SRCIN1: variants seen among roughly 807,000 people sequenced by gnomAD.
SRCIN1 encodes the protein SRC kinase signaling inhibitor 1, also known as P130Cas-associated protein.
A neutral mutation model predicts 116.2 loss-of-function variants in SRCIN1; 50 were observed. The observed-to-expected ratio is 0.43, with a 90% CI of 0.34 to 0.54. The LOEUF (loss-of-function observed/expected upper bound fraction) is 0.54, where lower values mean the gene tolerates loss of function less well. Ranked by LOEUF, SRCIN1 falls within the 20% of genes least tolerant of loss-of-function variation. The pLI is 0.02. For missense variants in SRCIN1, 1,446 were observed against 1,672.0 expected, an observed-to-expected ratio of 0.86 and a Z score of 2.36; for synonymous variants, 736 against 750.0, an observed-to-expected ratio of 0.98 and a Z score of 0.30.
chr17:38,581,548 G>C (rs558228194), intron 1 of SRCIN1, among the ~76,000 whole-genome samples: 1 of 151,030 alleles, frequency 6.6e-6, no homozygotes, highest in Non-Finnish European at 1.5e-5. Context: ...TGATTTCATG[G>C]ATATAGTTCC....
intron 2 of SRCIN1, among the ~76,000 whole-genome samples, chr17:38,570,681 G>A (rs1291646544): frequency 6.6e-6 from 1 of 152,248 alleles, no homozygotes; most frequent in African/African-American, 2.4e-5. Flanking sequence ...TAAAGACAGG[G>A]CCTGGCCACA....
rs552369680 is a variant in SRCIN1 at position 38,595,263 on chromosome 17, G to A, written c.22+10421C>T. Among the ~76,000 whole-genome samples the A allele has an allele frequency of 1.9e-4, 29 of 152,214 alleles. 1 individual carries two copies. Among genetic ancestry groups the A allele is most frequent in the Middle Eastern group, 3.4e-3 (1 of 294 alleles). On this transcript the variant is annotated intron_variant, in intron 1 of 18. Coordinates refer to ENST00000617146, the MANE Select transcript of SRCIN1 (RefSeq NM_025248.3). ...GATGGAGTCTTGCTCTGTTACCCAGGCTGGAGTGCGGTGGCGCAATCTCGG... is the reference window on the plus strand; with the variant it reads ...GATGGAGTCTTGCTCTGTTACCCAGACTGGAGTGCGGTGGCGCAATCTCGG...
chr17:38,561,616 G>A lies in SRCIN1; in HGVS notation c.1547C>T (p.Ser516Leu), dbSNP rs1360823003. ...RQSFRKDSGS[S>L]SVFAESPGGK... is the part of the protein sequence containing the mutation. The stretch of plus-strand genomic sequence containing the variant: ...TCCAGGACTCTCGGCAAAGACGGAC[G>A]AGGAGCCCGAGTCCTTGCGGAAGGA... The change falls in exon 7 of 19, where the codon TCG (serine) becomes TTG (leucine). Residue 516 changes from serine (S) to leucine (L), a missense_variant. Physicochemically the swap from Ser to Leu is moderately radical, Grantham distance 145. Around this residue, in one of 5 missense-constraint regions of SRCIN1, gnomAD observed 398 missense variants for 385.6 expected, o/e 1.03. Transcript: ENST00000617146. The A allele has an allele frequency of 3.8e-6, 6 of 1,588,310 alleles. No homozygotes were observed. The African/African-American group carries it at 6.9e-5, about 18-fold the overall frequency.
At chr17:38,538,582 T>C (rs1283708431) in intron 18 of SRCIN1, among the ~76,000 whole-genome samples, 1 of 152,132 alleles carries the variant, frequency 6.6e-6, no homozygotes, top group Non-Finnish European at 1.5e-5. Context: ...TTCCTTATTG[T>C]TTATCCATTT....
intron 1 of SRCIN1, among the ~76,000 whole-genome samples, chr17:38,592,301 G>C (rs1010752806): frequency 3.9e-5 from 6 of 152,182 alleles, no homozygotes; most frequent in Non-Finnish European, 8.8e-5. Flanking sequence ...TGAGGGAGGA[G>C]GGCTGTGCTG....
Position 38,552,837 on chromosome 17 carries a change from C to T in SRCIN1, c.2220G>A (p.Val740=). The change falls in exon 12 of 19, where the codon GTG becomes GTA. Residue 740 remains valine, a synonymous_variant. Coordinates refer to ENST00000617146, the MANE Select transcript of SRCIN1 (RefSeq NM_025248.3). This position sits in a 1 kb window ranked among gnomAD's most constrained non-coding sequence, Gnocchi z 5.3. ...GGGACACGTCTCTCTGGATCTTCTC[C>T]ACCGATTTCTCCAGGTCACTGCAGC... ...TQQLNDLEKS[V]EKIQRDVSHN... is the part of the protein sequence containing the mutation. 6.2e-7 allele frequency: 1 copy of T among 1,613,976 alleles called. No individual in the cohort carries two copies. Among genetic ancestry groups the T allele is most frequent in the Non-Finnish European group, 8.5e-7 (1 of 1,179,874 alleles).
chr17:38,559,612 G>A lies in SRCIN1; in HGVS notation c.1998C>T (p.Gly666=). 1.2e-6 allele frequency: 2 copies of A among 1,602,352 alleles called. No homozygotes were observed. Among genetic ancestry groups the A allele is most frequent in the Non-Finnish European group, 1.7e-6 (2 of 1,179,440 alleles). ...GGAGCTTGCGCAACTGCTGGAGCTG[G>A]CCGCGCAAGTCACTGGCGCTGTTCT... The part of the protein sequence containing the change: ...GLQNSASDLR[G]QLQQLRKLQL... The change falls in exon 10 of 19, where the codon GGC becomes GGT. Residue 666 remains glycine (G), a synonymous_variant. Transcript: ENST00000617146.
Position 38,572,264 on chromosome 17 carries a change from C to T in SRCIN1, c.325-4033G>A, listed in dbSNP as rs1180332499. The stretch of plus-strand genomic sequence containing the variant: ...TGGGGCTAAGCCACTCGCCCCTCCT[C>T]GGGCGCCTGCCCCCACCGCGATGTA... On this transcript the variant is annotated intron_variant, in intron 2 of 18. Transcript: ENST00000617146. This position sits in a 1 kb window ranked among gnomAD's most constrained non-coding sequence, Gnocchi z 4.3. Among the ~76,000 whole-genome samples, 3 of 151,850 alleles carry T rather than the reference C, an allele frequency of 2.0e-5. No homozygotes were observed. The highest frequency in any genetic ancestry group is 1.3e-4 in the Admixed American group (2 of 15,258).
At position 38,530,295 on chromosome 17, in the gene SRCIN1, C is replaced by A. The variant is rs769969648; in HGVS notation, c.*3002G>T. ...TGGAGCCGGGGCTCACCCCGGGGGG[C>A]CCCCTGGGGACCCCACTCAGAGCCT... is the stretch of plus-strand genomic sequence containing the variant. On this transcript the variant is annotated 3_prime_UTR_variant, in exon 19 of 19. Coordinates refer to ENST00000617146, the MANE Select transcript of SRCIN1 (RefSeq NM_025248.3). 1 of 151,992 alleles carries A rather than the reference C, an allele frequency of 6.6e-6. No individual in the cohort carries two copies. Among genetic ancestry groups the A allele is most frequent in the Non-Finnish European group, 1.5e-5 (1 of 68,004 alleles). 9.4% of individuals were successfully genotyped at this position (151,992 alleles called of 1,614,324 possible).
intron 1 of SRCIN1, among the ~76,000 whole-genome samples, chr17:38,595,267 G>C (rs562975296): frequency 6.6e-6 from 1 of 152,032 alleles, no homozygotes; most frequent in Non-Finnish European, 1.5e-5. Flanking sequence ...ACCCAGGCTG[G>C]AGTGCGGTGG....
At chr17:38,549,857 T>A (rs1443577725) in intron 15 of SRCIN1, among the ~76,000 whole-genome samples, 1 of 152,228 alleles carries the variant, frequency 6.6e-6, no homozygotes, top group East Asian at 1.9e-4. Context: ...CTCCCCAGGC[T>A]GGACCCTGTT....
chr17:38,568,164 G>C lies in SRCIN1; in HGVS notation c.345+47C>G, dbSNP rs899914768. 3 of 1,607,998 alleles carry C rather than the reference G, an allele frequency of 1.9e-6. No individual in the cohort carries two copies. Among genetic ancestry groups the C allele is most frequent in the Non-Finnish European group, 2.6e-6 (3 of 1,175,804 alleles). ...CAAGGGAGAGGCAGGGGCAGGGGAG[G>C]GAGAGCACATGCAGTTGTCATGGGA... On this transcript the variant is annotated intron_variant, in intron 3 of 18. Coordinates refer to ENST00000617146, the MANE Select transcript of SRCIN1 (RefSeq NM_025248.3). This position sits in a 1 kb window ranked among gnomAD's most constrained non-coding sequence, Gnocchi z 4.5.
At chr17:38,593,052 G>C (rs560183413) in intron 1 of SRCIN1, among the ~76,000 whole-genome samples, 153 of 152,246 alleles carry the variant, frequency 1.0e-3, no homozygotes, top group African/African-American at 3.6e-3. Context: ...GTAGGCTAGT[G>C]GGCTTAGTTA....
At position 38,559,606 on chromosome 17, in the gene SRCIN1, G is replaced by C. The variant is rs143500913; in HGVS notation, c.2004C>G (p.Leu668=). The change falls in exon 10 of 19, where the codon CTC becomes CTG. Residue 668 remains leucine (L), a synonymous_variant. Transcript: ENST00000617146. ...GTACCTGGAGCTTGCGCAACTGCTGGAGCTGGCCGCGCAAGTCACTGGCGC... is the reference window on the plus strand; with the variant it reads ...GTACCTGGAGCTTGCGCAACTGCTGCAGCTGGCCGCGCAAGTCACTGGCGC... ...QNSASDLRGQ[L]QQLRKLQLQN... 8.7e-5 allele frequency: 140 copies of C among 1,601,968 alleles called. 1 individual carries two copies. In the African/African-American group the frequency reaches 1.5e-3, roughly 17 times the overall value.
Position 38,564,139 on chromosome 17 carries a change from G to A in SRCIN1, c.520C>T (p.Gln174Ter). 6.2e-7 allele frequency: 1 copy of A among 1,600,578 alleles called. No individual in the cohort carries two copies. The highest frequency in any genetic ancestry group is 2.3e-5 in the East Asian group (1 of 44,284). Residue 174 changes from glutamine (Q) to a stop codon, truncating the protein, a stop_gained, in exon 4 of 19, where the codon CAG becomes TAG. Coordinates refer to ENST00000617146, the MANE Select transcript of SRCIN1 (RefSeq NM_025248.3). LOFTEE classifies it high-confidence loss of function. ...GTACCTGGGGAGCGCAGCTTGGTCT[G>A]GCTGGCCGAGCGGGAGAGAGGCAGG... Reference protein sequence around the residue: ...QSLPLSRSASQTKLRSPGVLF... With the variant: ...QSLPLSRSAS
intron 1 of SRCIN1, among the ~76,000 whole-genome samples, chr17:38,598,697 C>A (rs1042752531): frequency 7.2e-5 from 11 of 152,220 alleles, no homozygotes; most frequent in African/African-American, 2.7e-4. Flanking sequence ...TCAGGACATG[C>A]AGGCAACCGA....
intron 2 of SRCIN1, among the ~76,000 whole-genome samples, chr17:38,578,149 A>G (rs1907530570): frequency 6.6e-6 from 1 of 152,176 alleles, no homozygotes; most frequent in Non-Finnish European, 1.5e-5. Flanking sequence ...ACAGTCCCCA[A>G]GGCTGTCCTC....
At chr17:38,605,617 A>G in intron 1 of SRCIN1, 67 bp downstream of exon 1, 2 of 1,279,590 alleles carry the variant, frequency 1.6e-6, no homozygotes, top group Non-Finnish European at 2.0e-6. Context: ...AAAACACACA[A>G]AGAAAACAGA....
Position 38,551,880 on chromosome 17 carries a change from C to T in SRCIN1, c.2727+6G>A, listed in dbSNP as rs765707322. ...TGGCCCCACCCACAATCCCTGGCCC[C>T]AGCACCTCAACAGACACAGCTTTGT... On this transcript the variant is annotated splice_donor_region_variant and intron_variant, in intron 14 of 18. Coordinates refer to ENST00000617146, the MANE Select transcript of SRCIN1 (RefSeq NM_025248.3). The T allele has an allele frequency of 3.7e-6, 6 of 1,613,692 alleles. No homozygotes were observed. The highest frequency in any genetic ancestry group is 5.1e-6 in the Non-Finnish European group (6 of 1,179,894).
Sources: allele counts gnomAD v4.1 joint callset (sites outside exome capture counted in the v4.1 genomes callset), GRCh38; gene constraint gnomAD v4.1.1; regional missense constraint gnomAD v4.1.1; non-coding constraint Gnocchi (gnomAD v3.1); transcripts MANE v1.5; gene names NCBI Gene and HGNC (gene_info 2026-07-23, HGNC 2026-07-21).